The following MMADHC variants were observed in gnomAD, a reference collection of about 807,000 sequenced individuals.
The protein encoded by MMADHC is cobalamin trafficking protein CblD.
MMADHC carries 23 observed loss-of-function variants against 36.3 expected under a neutral mutation model. That is an observed-to-expected ratio of 0.63 (90% confidence interval 0.46 to 0.90). The LOEUF (loss-of-function observed/expected upper bound fraction) is 0.90. MMADHC is among the 40% of genes least tolerant of loss of function. The probability of loss-of-function intolerance (pLI) is 0.00; values close to 1 mark genes in which losing one functional copy is unlikely to be tolerated. For synonymous variants in MMADHC, 97 were observed against 116.1 expected (o/e 0.84, Z 1.06); for missense variants, 330 against 348.0 (o/e 0.95, Z 0.41).
rs1180160543 is a variant in MMADHC, at chr2:149,587,132, C to T, written c.-35G>A. Reference sequence around the variant, plus strand: ...AGAAGATAGTTCGCAAAATAGCTTTCCTTTGGTAAAGTTATTTCTGGGAAA... The same window carrying T: ...AGAAGATAGTTCGCAAAATAGCTTTTCTTTGGTAAAGTTATTTCTGGGAAA... On this transcript the variant is annotated 5_prime_UTR_variant, in exon 2 of 8. Transcript: ENST00000303319. The T allele has an allele frequency of 2.5e-6, 4 of 1,609,060 alleles. No homozygotes were observed. Among genetic ancestry groups the T allele is most frequent in the Non-Finnish European group, 3.4e-6 (4 of 1,175,392 alleles).
intron 2 of MMADHC, chr2:149,586,828 G>GT (rs1280943161): frequency 4.1e-6 from 2 of 483,556 alleles, no homozygotes; most frequent in Non-Finnish European, 7.3e-6. Context: ...CTGAAACGCT[G>GT]TATTTAAAAA....
chr2:149,582,371 A>G (rs983994476), intron 2 of MMADHC, 100 bp from the exon 3 acceptor site: 143 of 1,187,284 alleles, frequency 1.2e-4, no homozygotes, highest in Non-Finnish European at 1.6e-4. Flanking sequence ...GTTCTTTTAA[A>G]ACCAACATTT....
chr2:149,572,326 CT>C (rs751651062), intron 6 of MMADHC: 4 of 19,760 alleles, frequency 2.0e-4, no homozygotes, highest in South Asian at 1.5e-3. Context: ...GCGAGAGAGA[CT>C]CCGTCTCCAA....
intron 5 of MMADHC, among the ~76,000 whole-genome samples, chr2:149,576,183 C>T (rs1029183284): frequency 4.6e-5 from 7 of 151,888 alleles, no homozygotes; most frequent in African/African-American, 1.7e-4. Context: ...TAATAATCAC[C>T]CAGGAGTAAA....
intron 2 of MMADHC, among the ~76,000 whole-genome samples, chr2:149,583,997 C>T (rs530099447): frequency 3.9e-5 from 6 of 152,118 alleles, no homozygotes; most frequent in Non-Finnish European, 7.4e-5. Context: ...CTTTGTGATA[C>T]GTGTCTCCAA....
chr2:149,587,257 A>G (rs1573882896), intron 1 of MMADHC, 108 bp from the exon 2 acceptor site: 1 of 718,018 alleles, frequency 1.4e-6, no homozygotes, highest in Non-Finnish European at 2.5e-6. Context: ...CGTCAGGACC[A>G]AAGTCCAAGC....
intron 6 of MMADHC, 28 bp from the exon 7 acceptor site, chr2:149,571,199 T>A (rs1448258685): frequency 7.1e-7 from 1 of 1,405,674 alleles, no homozygotes; most frequent in South Asian, 1.3e-5. Context: ...AATAATATGC[T>A]TAAGATAGCA....
intron 4 of MMADHC, among the ~76,000 whole-genome samples, chr2:149,577,375 C>T (rs1233049422): frequency 6.6e-6 from 1 of 152,008 alleles, no homozygotes; most frequent in Non-Finnish European, 1.5e-5. Flanking sequence ...AGAAAAATGG[C>T]AAGTATGTTG....
chr2:149,579,281 T>G, intron 4 of MMADHC, 150 bp downstream of exon 4: 1 of 691,972 alleles, frequency 1.4e-6, no homozygotes, highest in Non-Finnish European at 2.4e-6. Flanking sequence ...AATGCCAAGT[T>G]TTCCAAAGCT....
chr2:149,576,609 T>C, intron 4 of MMADHC, 67 bp from the exon 5 acceptor site: 1 of 1,090,726 alleles, frequency 9.2e-7, no homozygotes, highest in Non-Finnish European at 1.4e-6. Context: ...TTGCCTGTTA[T>C]AAACCTGTCT....
intron 1 of MMADHC, 198 bp from the exon 2 acceptor site, chr2:149,587,347 C>G (rs914140597): frequency 3.5e-6 from 2 of 576,584 alleles, no homozygotes; most frequent in Non-Finnish European, 6.2e-6. Context: ...CAGTGCAGCT[C>G]AGAGCCCTTC....
intron 6 of MMADHC, among the ~76,000 whole-genome samples, chr2:149,575,467 C>G (rs1454183012): frequency 6.6e-6 from 1 of 151,874 alleles, no homozygotes; most frequent in African/African-American, 2.4e-5. Context: ...TTGTCATTTA[C>G]CAAATTTTCC....
At chr2:149,583,765 C>T (rs758435816) in intron 2 of MMADHC, among the ~76,000 whole-genome samples, 1 of 152,158 alleles carries the variant, frequency 6.6e-6, no homozygotes, top group African/African-American at 2.4e-5. Flanking sequence ...TGCATCTTAA[C>T]TGGTCTTTTT....
intron 2 of MMADHC, among the ~76,000 whole-genome samples, chr2:149,582,949 C>T (rs1238985737): frequency 3.3e-5 from 5 of 152,112 alleles, no homozygotes; most frequent in South Asian, 4.1e-4. Flanking sequence ...GATTGGCGAA[C>T]GATTTCCCAA....
At chr2:149,584,644 T>G (rs1013707305) in intron 2 of MMADHC, among the ~76,000 whole-genome samples, 1 of 152,174 alleles carries the variant, frequency 6.6e-6, no homozygotes. Context: ...AAAATCCAAT[T>G]ACCAAATTTC....
intron 2 of MMADHC, among the ~76,000 whole-genome samples, chr2:149,583,528 G>C (rs1648936351): frequency 6.6e-6 from 1 of 152,136 alleles, no homozygotes; most frequent in South Asian, 2.1e-4. Context: ...AGGCAGGAAA[G>C]AGTCAGAGCA....
intron 3 of MMADHC, among the ~76,000 whole-genome samples, chr2:149,581,860 A>C (rs1446264241): frequency 6.6e-6 from 1 of 152,218 alleles, no homozygotes; most frequent in Non-Finnish European, 1.5e-5. Flanking sequence ...TAACAGGACC[A>C]AAAGGAGATT....
intron 6 of MMADHC, among the ~76,000 whole-genome samples, chr2:149,574,699 G>C (rs1035216855): frequency 6.6e-6 from 1 of 152,172 alleles, no homozygotes; most frequent in Non-Finnish European, 1.5e-5. Flanking sequence ...CTCTATTTAG[G>C]AATCTATAGA....
chr2:149,578,087 C>T (rs957947481), intron 4 of MMADHC, among the ~76,000 whole-genome samples: 6 of 152,026 alleles, frequency 3.9e-5, no homozygotes, highest in Middle Eastern at 3.2e-3. Flanking sequence ...GTAATTTCCT[C>T]GAGGTCACAA....
Sources: gnomAD v4.1 joint callset for allele counts (sites outside exome capture counted in the v4.1 genomes callset) on GRCh38, gnomAD v4.1.1 for gene constraint, MANE v1.5 for transcripts, NCBI Gene and HGNC (gene_info 2026-07-23, HGNC 2026-07-21) for gene names.